Variants in ARHGAP6 observed in about 807,000 individuals in gnomAD.
ARHGAP6 encodes the protein Rho GTPase activating protein 6, also known as rho GTPase-activating protein 6.
Under a neutral mutation model 55.7 loss-of-function variants are expected in ARHGAP6, and 16 were observed. The observed-to-expected ratio is 0.29, with a 90% confidence interval of 0.19 to 0.44. The LOEUF (loss-of-function observed/expected upper bound fraction) is 0.44, where lower values mean the gene tolerates loss of function less well. Among genes scored for constraint, ARHGAP6 ranks in the 20% least tolerant of loss-of-function variants. The pLI is 1.00. For synonymous variants in ARHGAP6, 382 were observed against 360.9 expected, an observed-to-expected ratio of 1.06 and a Z score of -0.66; for missense variants, 698 against 808.9, an observed-to-expected ratio of 0.86 and a Z score of 1.66.
At chrX:11,521,799 G>A (rs2050931201) in intron 1 of ARHGAP6, among the ~76,000 whole-genome samples, 1 of 111,147 alleles carries the variant, frequency 9.0e-6, no homozygotes, top group Non-Finnish European at 1.9e-5. Flanking sequence ...AGCATGGAAT[G>A]TTCTTCCATT....
chrX:11,549,951 C>T (rs1193126616), intron 1 of ARHGAP6, among the ~76,000 whole-genome samples: 1 of 112,095 alleles, frequency 8.9e-6, no homozygotes, highest in Non-Finnish European at 1.9e-5. Context: ...CCTGTTAGGG[C>T]ATGCAAATTT....
At chrX:11,193,757 T>C (rs1219866261) in intron 3 of ARHGAP6, among the ~76,000 whole-genome samples, 1 of 112,577 alleles carries the variant, frequency 8.9e-6, no homozygotes, top group Non-Finnish European at 1.9e-5. Context: ...TTAAAAAATC[T>C]ATAATGGCCC....
intron 1 of ARHGAP6, among the ~76,000 whole-genome samples, chrX:11,330,286 A>G (rs1285590189): frequency 8.9e-6 from 1 of 112,877 alleles, no homozygotes; most frequent in Non-Finnish European, 1.9e-5. Flanking sequence ...TCATAATTAC[A>G]GAGAGTAAAT....
At chrX:11,319,255 T>G (rs1023775617) in intron 1 of ARHGAP6, among the ~76,000 whole-genome samples, 5 of 112,173 alleles carry the variant, frequency 4.5e-5, no homozygotes, top group Non-Finnish European at 9.4e-5. Flanking sequence ...TACTTACATA[T>G]GTATGTGTCA....
intron 1 of ARHGAP6, among the ~76,000 whole-genome samples, chrX:11,441,171 T>C (rs1487930990): frequency 9.0e-6 from 1 of 111,718 alleles, no homozygotes; most frequent in Non-Finnish European, 1.9e-5. Flanking sequence ...AGGAATTCAG[T>C]ATGACCAAGA....
chrX:11,498,310 A>G (rs1003550874), intron 1 of ARHGAP6, among the ~76,000 whole-genome samples: 5 of 112,150 alleles, frequency 4.5e-5, no homozygotes, highest in Non-Finnish European at 5.6e-5. Context: ...ATTGCTCTCC[A>G]TAGAGGTGGT....
At chrX:11,369,772 T>G (rs1435722529) in intron 1 of ARHGAP6, among the ~76,000 whole-genome samples, 1 of 112,312 alleles carries the variant, frequency 8.9e-6, no homozygotes, top group African/African-American at 3.2e-5. Context: ...CTCTGCCCAG[T>G]TCTTCCCTGC....
intron 1 of ARHGAP6, among the ~76,000 whole-genome samples, chrX:11,491,614 T>C (rs2050569426): frequency 8.9e-6 from 1 of 112,150 alleles, no homozygotes; most frequent in African/African-American, 3.2e-5. Flanking sequence ...AGTCTATCAT[T>C]GTTGGACATT....
intron 1 of ARHGAP6, among the ~76,000 whole-genome samples, chrX:11,642,255 G>A (rs771110044): frequency 1.5e-3 from 171 of 111,645 alleles, no homozygotes; most frequent in African/African-American, 5.4e-3. Context: ...TCACTTAAAC[G>A]TATCTACAGC....
intron 5 of ARHGAP6, 83 bp downstream of exon 5, chrX:11,186,153 G>C (rs2046384124): frequency 3.3e-6 from 3 of 900,888 alleles, no homozygotes; most frequent in Non-Finnish European, 4.7e-6. Context: ...ATTTGATCAA[G>C]CAGAATTGAC....
At chrX:11,599,229 T>A (rs1157798562) in intron 1 of ARHGAP6, among the ~76,000 whole-genome samples, 1 of 111,705 alleles carries the variant, frequency 9.0e-6, no homozygotes, top group Non-Finnish European at 1.9e-5. Context: ...AGTGCAGGTA[T>A]CTCTCTGAGA....
chrX:11,218,596 A>AT (rs1173510277), intron 2 of ARHGAP6, among the ~76,000 whole-genome samples: 3 of 110,725 alleles, frequency 2.7e-5, no homozygotes, highest in Admixed American at 9.6e-5. Flanking sequence ...TGATCCTGGG[A>AT]TTTTTTTGGT....
chrX:11,578,914 G>A (rs1170825242), intron 1 of ARHGAP6, among the ~76,000 whole-genome samples: 1 of 109,494 alleles, frequency 9.1e-6, no homozygotes, highest in Non-Finnish European at 1.9e-5. Flanking sequence ...CTAATTCTGA[G>A]CAAACTGTCG....
intron 8 of ARHGAP6, among the ~76,000 whole-genome samples, chrX:11,176,412 A>G (rs1215944069): frequency 1.1e-5 from 1 of 90,045 alleles, no homozygotes; most frequent in African/African-American, 3.9e-5. Context: ...ATATTCCAGC[A>G]TGCTGTTTCA....
At position 11,521,190 on chromosome X, in the gene ARHGAP6, C is replaced by T. The variant is rs759845233; in HGVS notation, c.588+143051G>A. Among the ~76,000 whole-genome samples the T allele has an allele frequency of 4.0e-4, 45 of 111,951 alleles. No individual in the cohort carries two copies. The Middle Eastern group carries it at 0.018, about 46-fold the overall frequency. ...AGATCCCATTTGTCAATTTTGGCTTCTGTTGCCATTGCTTTTGGTGTTTTA... is the reference window on the plus strand; with the variant it reads ...AGATCCCATTTGTCAATTTTGGCTTTTGTTGCCATTGCTTTTGGTGTTTTA... On this transcript the variant is annotated intron_variant, in intron 1 of 12. Transcript: ENST00000337414.
At chrX:11,477,269 T>C (rs2050413580) in intron 1 of ARHGAP6, among the ~76,000 whole-genome samples, 1 of 111,582 alleles carries the variant, frequency 9.0e-6, no homozygotes, top group Admixed American at 9.5e-5. Context: ...TCAGCACTAT[T>C]CATCAAGAAA....
Position 11,149,515 on chromosome X carries a change from G to A in ARHGAP6, c.1908-5267C>T, listed in dbSNP as rs780362554. Among the ~76,000 whole-genome samples, 6 of 111,045 alleles carry A rather than the reference G, an allele frequency of 5.4e-5. 1 individual carries two copies. The highest frequency in any genetic ancestry group is 1.1e-4 in the Non-Finnish European group (6 of 52,991). ...GCTTCATAATTTCCAGGGTATTGAG[G>A]CCAACAGCTACCGCCACTCAATAGG... On this transcript the variant is annotated intron_variant, in intron 10 of 12. Coordinates refer to ENST00000337414, the MANE Select transcript of ARHGAP6 (RefSeq NM_013427.3).
chrX:11,320,309 C>T (rs2048415695), intron 1 of ARHGAP6, among the ~76,000 whole-genome samples: 1 of 111,769 alleles, frequency 8.9e-6, no homozygotes, highest in Admixed American at 9.5e-5. Flanking sequence ...TGTCTCAGAC[C>T]TCAGCGGCTA....
intron 1 of ARHGAP6, among the ~76,000 whole-genome samples, chrX:11,276,545 C>A (rs1010558578): frequency 2.7e-5 from 3 of 111,701 alleles, no homozygotes; most frequent in Admixed American, 9.5e-5. Context: ...TGCTTCCTGA[C>A]TTTTAGTATT....
Sources: gnomAD v4.1 joint callset for allele counts (sites outside exome capture counted in the v4.1 genomes callset) on GRCh38, gnomAD v4.1.1 for gene constraint, MANE v1.5 for transcripts, NCBI Gene and HGNC (gene_info 2026-07-23, HGNC 2026-07-21) for gene names.